SLC35A1: variants seen among roughly 807,000 people sequenced by gnomAD.
SLC35A1 encodes solute carrier family 35 member A1, also known as CMP-sialic acid transporter.
A neutral mutation model predicts 40.3 loss-of-function variants in SLC35A1; 21 were observed. That is an observed-to-expected ratio of 0.52 (90% CI 0.37 to 0.75). The LOEUF (loss-of-function observed/expected upper bound fraction) is 0.75, where lower values mean the gene tolerates loss of function less well. Ranked by LOEUF, SLC35A1 falls within the 30% of genes least tolerant of loss-of-function variation. The probability of loss-of-function intolerance (pLI) is 0.00; values close to 1 mark genes in which losing one functional copy is unlikely to be tolerated. For synonymous variants in SLC35A1, 146 were observed against 147.3 expected (o/e 0.99, Z 0.06); for missense variants, 297 against 382.1 (o/e 0.78, Z 1.86).
In SLC35A1 at chr6:87,477,533, T is replaced by C; in HGVS notation, c.188T>C (p.Leu63Ser). 1 of 1,611,764 alleles carries C rather than the reference T, an allele frequency of 6.2e-7. No individual in the cohort carries two copies. Among genetic ancestry groups the C allele is most frequent in the Non-Finnish European group, 8.5e-7 (1 of 1,177,910 alleles). Residue 63 changes from leucine (L) to serine (S), a missense_variant, in exon 2 of 8, where the codon TTA (leucine) becomes TCA (serine). Leu to Ser is a moderately radical substitution (Grantham distance 145). Transcript: ENST00000369552. The part of the protein sequence containing the change: ...VIKLLLSVGI[L>S]AKETGSLGRF... ...AAGTTATTGCTAAGTGTGGGAATTT[T>C]AGCTAAGTGAGTATAAATACTTATA... is the stretch of plus-strand genomic sequence containing the variant.
At position 87,500,796 on chromosome 6, in the gene SLC35A1, G is replaced by A. The variant is rs1031519241; in HGVS notation, c.354+129G>A. 3.3e-6 allele frequency: 3 copies of A among 897,204 alleles called. No homozygotes were observed. In the African/African-American group the frequency reaches 5.2e-5, roughly 15 times the overall value. 55.6% of individuals were successfully genotyped at this position (897,204 alleles called of 1,614,324 possible). ...GGAGTCTCGCTCTTTCGTCTAGGCTGGAGTGCAGTGACGTGATCTCAGCTC... is the reference window on the plus strand; with the variant it reads ...GGAGTCTCGCTCTTTCGTCTAGGCTAGAGTGCAGTGACGTGATCTCAGCTC... On this transcript the variant is annotated intron_variant, in intron 3 of 7. Transcript: ENST00000369552.
chr6:87,484,316 G>A (rs1269474004), intron 2 of SLC35A1, among the ~76,000 whole-genome samples: 1 of 152,160 alleles, frequency 6.6e-6, no homozygotes, highest in Non-Finnish European at 1.5e-5. Context: ...CCCCTAAATT[G>A]TTATAAAGTT....
intron 2 of SLC35A1, among the ~76,000 whole-genome samples, chr6:87,484,491 C>G (rs1769338994): frequency 6.6e-6 from 1 of 152,116 alleles, no homozygotes; most frequent in African/African-American, 2.4e-5. Flanking sequence ...GCACGTGGCC[C>G]CTGCTGCTGT....
At chr6:87,510,296 A>T (rs1770224264) in intron 7 of SLC35A1, among the ~76,000 whole-genome samples, 1 of 152,170 alleles carries the variant, frequency 6.6e-6, no homozygotes, top group South Asian at 2.1e-4. Flanking sequence ...ATTCTGATCT[A>T]TCTTTATGTT....
chr6:87,474,666 TG>T (rs1482488484), intron 1 of SLC35A1, among the ~76,000 whole-genome samples: 1 of 152,238 alleles, frequency 6.6e-6, no homozygotes. Context: ...AGAAATAGTT[TG>T]GTCTGATGTT....
chr6:87,498,483 T>A (rs1769810082), intron 2 of SLC35A1, among the ~76,000 whole-genome samples: 1 of 152,094 alleles, frequency 6.6e-6, no homozygotes. Flanking sequence ...ATACTCTATT[T>A]AAGATGTTGG....
rs1303524405 is a variant in SLC35A1, at chr6:87,500,674, G to A, written c.354+7G>A. 1.1e-5 allele frequency: 17 copies of A among 1,613,626 alleles called. No homozygotes were observed. The highest frequency in any genetic ancestry group is 3.3e-5 in the Admixed American group (2 of 59,998). On this transcript the variant is annotated splice_region_variant and intron_variant, in intron 3 of 7. Coordinates refer to ENST00000369552, the MANE Select transcript of SLC35A1 (RefSeq NM_006416.5). ...GGATGCAGCAGTGTACCAGGTAAGT[G>A]GAGTTAATGATAATGAAAAGCACAG...
At chr6:87,502,256 A>C (rs1208387835) in intron 4 of SLC35A1, among the ~76,000 whole-genome samples, 1 of 152,172 alleles carries the variant, frequency 6.6e-6, no homozygotes, top group East Asian at 1.9e-4. Context: ...ATTATTTCTC[A>C]ATATATCCTA....
intron 2 of SLC35A1, among the ~76,000 whole-genome samples, chr6:87,497,196 G>GCTTT (rs10659816): frequency 0.011 from 1,710 of 150,454 alleles, 23 homozygotes; most frequent in African/African-American, 0.035. Flanking sequence ...AGCATCCTCT[G>GCTTT]TTTTTTTTTG....
Position 87,509,046 on chromosome 6 carries a change from G to C in SLC35A1, c.757G>C (p.Ala253Pro), listed in dbSNP as rs1484245900. The change falls in exon 7 of 8, where the codon GCA (alanine) becomes CCA (proline). Residue 253 changes from alanine (A) to proline (P), a missense_variant. Coordinates refer to ENST00000369552, the MANE Select transcript of SLC35A1 (RefSeq NM_006416.5). Reference sequence around the variant, plus strand: ...TATTTCTCTCTGTATACAAGTTCTTGCAAGTGTTGGTGGCCTCTACACTTC... The same window carrying C: ...TATTTCTCTCTGTATACAAGTTCTTCCAAGTGTTGGTGGCCTCTACACTTC... ...TYYVWFVIFL[A>P]SVGGLYTSVV... 6.2e-7 allele frequency: 1 copy of C among 1,613,780 alleles called. No homozygotes were observed. The highest frequency in any genetic ancestry group is 1.1e-5 in the South Asian group (1 of 91,076).
chr6:87,484,710 GGAATGAGTCAGGGTGGAGTAGGTAATCA>G (rs1562019726), intron 2 of SLC35A1, among the ~76,000 whole-genome samples: 1 of 151,154 alleles, frequency 6.6e-6, no homozygotes, highest in Admixed American at 6.6e-5. Flanking sequence ...GCAGGTAATC[GGAATGAGTCAGGGTGGAGTAGGTAATCA>G]GAATGAGTCA....
chr6:87,497,404 C>T (rs1769762302), intron 2 of SLC35A1, among the ~76,000 whole-genome samples: 1 of 152,084 alleles, frequency 6.6e-6, no homozygotes, highest in Admixed American at 6.5e-5. Context: ...AAGGATATGG[C>T]CAAAAGAGAC....
chr6:87,494,942 T>C (rs1769673774), intron 2 of SLC35A1, among the ~76,000 whole-genome samples: 1 of 152,114 alleles, frequency 6.6e-6, no homozygotes, highest in Non-Finnish European at 1.5e-5. Flanking sequence ...TGAAAACACT[T>C]TCATATTGCC....
intron 1 of SLC35A1, among the ~76,000 whole-genome samples, chr6:87,476,428 T>A (rs781229428): frequency 2.6e-5 from 4 of 152,150 alleles, no homozygotes; most frequent in Non-Finnish European, 2.9e-5. Context: ...TAAAAATATT[T>A]AAAATATGTG....
intron 1 of SLC35A1, among the ~76,000 whole-genome samples, chr6:87,475,080 T>A (rs1354714657): frequency 6.6e-6 from 1 of 152,190 alleles, no homozygotes. Flanking sequence ...AAACTTTTCC[T>A]GTGAAGGGCT....
rs373299811 is a variant in SLC35A1, at chr6:87,489,664, C to T, written c.195-10844C>T. 4.7e-4 allele frequency among the ~76,000 whole-genome samples: 70 copies of T among 150,458 alleles called. 1 individual carries two copies. Among genetic ancestry groups the T allele is most frequent in the African/African-American group, 1.7e-3 (69 of 40,784 alleles). The stretch of plus-strand genomic sequence containing the variant: ...TCAAGCGATTCTCCTGCCTCAGTCT[C>T]CTGACTAGCTGGGACTACAGGCATG... On this transcript the variant is annotated intron_variant, in intron 2 of 7. Coordinates refer to ENST00000369552, the MANE Select transcript of SLC35A1 (RefSeq NM_006416.5).
intron 4 of SLC35A1, among the ~76,000 whole-genome samples, chr6:87,503,830 T>C (rs1254586399): frequency 1.3e-5 from 2 of 152,228 alleles, no homozygotes; most frequent in East Asian, 3.8e-4. Context: ...AAATCTGGTA[T>C]GTTTCACACT....
rs796234640 is a variant in SLC35A1, at chr6:87,506,419, C to G, written c.545C>G (p.Ala182Gly). The change falls in exon 5 of 8, where the codon GCT becomes GGT. Residue 182 changes from alanine (A) to glycine (G), a missense_variant. Transcript: ENST00000369552. Reference sequence around the variant, plus strand: ...CCATTATTAGGGTTTGGCGCTATAGCTATTGCTGTATTGTGCTCAGGATTT... The same window carrying G: ...CCATTATTAGGGTTTGGCGCTATAGGTATTGCTGTATTGTGCTCAGGATTT... ...QNPLLGFGAI[A>G]IAVLCSGFAG... is the part of the protein sequence containing the mutation. 2 of 1,613,586 alleles carry G rather than the reference C, an allele frequency of 1.2e-6. No homozygotes were observed. The highest frequency in any genetic ancestry group is 2.2e-5 in the South Asian group (2 of 91,064).
chr6:87,473,033 C>T lies in SLC35A1; in HGVS notation c.16+14C>T. 6.5e-6 allele frequency: 4 copies of T among 613,892 alleles called. No homozygotes were observed. The highest frequency in any genetic ancestry group is 1.9e-5 in the African/African-American group (1 of 51,996). 38.0% of individuals were successfully genotyped at this position (613,892 alleles called of 1,614,324 possible). On this transcript the variant is annotated intron_variant, in intron 1 of 7. Transcript: ENST00000369552. Reference sequence around the variant, plus strand: ...CTGCCCCGAGAGGTGAGAACTGGGTCTGCTGGGAGTGGGGAGTCCGCGGGG... The same window carrying T: ...CTGCCCCGAGAGGTGAGAACTGGGTTTGCTGGGAGTGGGGAGTCCGCGGGG...
Sources: gnomAD v4.1 joint callset for allele counts (sites outside exome capture counted in the v4.1 genomes callset) on GRCh38, gnomAD v4.1.1 for gene constraint, MANE v1.5 for transcripts, NCBI Gene and HGNC (gene_info 2026-07-23, HGNC 2026-07-21) for gene names.